The following TBC1D30 variants were observed in gnomAD, a reference collection of about 807,000 sequenced individuals.
The protein encoded by TBC1D30 is TBC1 domain family, member 30.
Under a neutral mutation model 63.2 loss-of-function variants are expected in TBC1D30, and 31 were observed. The ratio of observed to expected loss-of-function variants is 0.49; its 90% CI spans 0.37 to 0.66. The LOEUF is 0.66. TBC1D30 is among the 30% of genes least tolerant of loss of function. The pLI, the probability that TBC1D30 is intolerant of heterozygous loss-of-function variation, is 0.00. For synonymous variants in TBC1D30, 307 were observed against 361.5 expected, an observed-to-expected ratio of 0.85 and a Z score of 1.71; for missense variants, 810 against 953.6, an observed-to-expected ratio of 0.85 and a Z score of 1.98.
At chr12:64,798,805 CTTTTTTTTTTT>C (rs1227349778) in intron 2 of TBC1D30, among the ~76,000 whole-genome samples, 1 of 127,220 alleles carries the variant, frequency 7.9e-6, no homozygotes, top group South Asian at 2.5e-4. Flanking sequence ...CTTCAGGCAC[CTTTTTTTTTTT>C]TTTTTTTTTT....
rs1201623993 is a variant in TBC1D30 at position 64,879,258 on chromosome 12, T to C, written c.*3470T>C. 20 of 152,208 alleles carry C rather than the reference T, an allele frequency of 1.3e-4. No individual in the cohort carries two copies. The highest frequency in any genetic ancestry group is 2.6e-4 in the Admixed American group (4 of 15,284). The allele number at this position is 152,208 out of a possible 1,614,324, so 9.4% of individuals were successfully genotyped here. On this transcript the variant is annotated 3_prime_UTR_variant, in exon 12 of 12. Transcript: ENST00000539867. ...AAGCTGTCTTTCTGGTAAATGCTCTTATACAATATGATTTTTAGTGACTAA... is the reference window on the plus strand; with the variant it reads ...AAGCTGTCTTTCTGGTAAATGCTCTCATACAATATGATTTTTAGTGACTAA...
intron 7 of TBC1D30, among the ~76,000 whole-genome samples, chr12:64,840,028 ATC>A: frequency 7.0e-6 from 1 of 141,904 alleles, no homozygotes; most frequent in Non-Finnish European, 1.5e-5. Context: ...AAAAAAAAAA[ATC>A]CACCAACTAT....
At position 64,831,247 on chromosome 12, in the gene TBC1D30, C is replaced by G. The variant is rs1316595590; in HGVS notation, c.408+745C>G. 2.0e-5 allele frequency among the ~76,000 whole-genome samples: 3 copies of G among 152,088 alleles called. No homozygotes were observed. The East Asian group carries it at 5.8e-4, about 29-fold the overall frequency. Reference sequence around the variant, plus strand: ...AGGAGGAAGTACTAACTAAAATGAGCTACTTTCTGTTCTAACTTGGTTTCA... The same window carrying G: ...AGGAGGAAGTACTAACTAAAATGAGGTACTTTCTGTTCTAACTTGGTTTCA... On this transcript the variant is annotated intron_variant, in intron 4 of 11. Coordinates refer to ENST00000539867, the MANE Select transcript of TBC1D30 (RefSeq NM_015279.2).
Position 64,864,665 on chromosome 12 carries a change from C to A in TBC1D30, c.1039-3C>A. The A allele has an allele frequency of 6.5e-7, 1 of 1,534,244 alleles. No individual in the cohort carries two copies. Among genetic ancestry groups the A allele is most frequent in the Non-Finnish European group, 8.7e-7 (1 of 1,144,970 alleles). On this transcript the variant is annotated splice_polypyrimidine_tract_variant and splice_region_variant and intron_variant, in intron 8 of 11. Transcript: ENST00000539867. The stretch of plus-strand genomic sequence containing the variant: ...ACTTGGCATTTTTGCTTTTGTTTTA[C>A]AGACTGTTTATTCCATGGCTCCGTT...
At chr12:64,820,153 T>C (rs979204947), upstream of TBC1D30, among the ~76,000 whole-genome samples, 2 of 152,094 alleles carry the variant, frequency 1.3e-5, no homozygotes, top group African/African-American at 4.8e-5. Flanking sequence ...TTTTAAGACT[T>C]TACTGTTAAA....
intron 8 of TBC1D30, among the ~76,000 whole-genome samples, chr12:64,855,631 G>A (rs12310277): frequency 0.043 from 6,604 of 152,108 alleles, 459 homozygotes; most frequent in African/African-American, 0.15. Flanking sequence ...ATTGTTCAGC[G>A]TGTCGATTGC....
intron 2 of TBC1D30, among the ~76,000 whole-genome samples, chr12:64,797,450 T>C (rs535504408): frequency 1.3e-5 from 2 of 152,270 alleles, no homozygotes; most frequent in Admixed American, 6.5e-5. Flanking sequence ...TCTTTGTCAT[T>C]TTCACCTTGC....
chr12:64,835,695 T>C (rs1875286612), intron 5 of TBC1D30, among the ~76,000 whole-genome samples: 1 of 152,124 alleles, frequency 6.6e-6, no homozygotes, highest in Non-Finnish European at 1.5e-5. Flanking sequence ...ATATCTGACT[T>C]CTCCGATTCC....
At chr12:64,857,577 C>T (rs1877417234) in intron 8 of TBC1D30, among the ~76,000 whole-genome samples, 1 of 152,100 alleles carries the variant, frequency 6.6e-6, no homozygotes, top group Non-Finnish European at 1.5e-5. Flanking sequence ...GGCGCAAGCC[C>T]TCCCATAGCC....
intron 11 of TBC1D30, among the ~76,000 whole-genome samples, chr12:64,871,193 C>T (rs529836646): frequency 4.6e-5 from 7 of 152,038 alleles, no homozygotes; most frequent in Non-Finnish European, 8.8e-5. Flanking sequence ...GTAAATTAAG[C>T]TGTATACTAG....
Position 64,813,386 on chromosome 12 carries a change from T to TAACAACAAC in TBC1D30, c.644-14428_644-14420dup, listed in dbSNP as rs201967839. 2.0e-5 allele frequency among the ~76,000 whole-genome samples: 3 copies of TAACAACAAC among 151,338 alleles called. No individual in the cohort carries two copies. The East Asian group carries it at 5.8e-4, about 29-fold the overall frequency. On this transcript the variant is annotated intron_variant, in intron 2 of 12. Coordinates refer to the TBC1D30 transcript ENST00000542120. Reference sequence around the variant, plus strand: ...GCCTGGGCGACAGAGCAAGAGTCCATAACAACAACAACAACAACAACAACA... The same window carrying TAACAACAAC: ...GCCTGGGCGACAGAGCAAGAGTCCATAACAACAACAACAACAACAACAACAACAACAACA...
At chr12:64,814,018 G>C (rs1209230690) in intron 2 of TBC1D30, among the ~76,000 whole-genome samples, 1 of 152,162 alleles carries the variant, frequency 6.6e-6, no homozygotes, top group Non-Finnish European at 1.5e-5. Flanking sequence ...TGGGAGTGTG[G>C]AGAAGTGTAC....
intron 1 of TBC1D30, among the ~76,000 whole-genome samples, chr12:64,766,638 C>A (rs1157824575): frequency 1.3e-5 from 2 of 152,108 alleles, no homozygotes; most frequent in South Asian, 4.1e-4. Flanking sequence ...GATAGAGTAG[C>A]TAGGCAGAAG....
chr12:64,824,866 CG>C lies in TBC1D30; in HGVS notation c.-10del, dbSNP rs1565658837. The C allele has an allele frequency of 9.1e-6, 14 of 1,532,254 alleles. No homozygotes were observed. The highest frequency in any genetic ancestry group is 1.2e-5 in the Non-Finnish European group (14 of 1,145,732). The allele number at this position is 1,532,254 out of a possible 1,614,324, so 94.9% of individuals were successfully genotyped here. A position where few individuals can be genotyped will look rare whatever the true frequency, so the allele number is the denominator to read the frequency against. ...GACGGACGGTAGCCGTGCCAGAGCC[CG>C]GGGCGCTCTCGGATGCGGCAGGACA... On this transcript the variant is annotated 5_prime_UTR_variant, in exon 1 of 12. Transcript: ENST00000539867.
At chr12:64,867,576 G>C (rs1367778433) in intron 10 of TBC1D30, among the ~76,000 whole-genome samples, 1 of 151,834 alleles carries the variant, frequency 6.6e-6, no homozygotes, top group Non-Finnish European at 1.5e-5. Context: ...CTTTTTCTCT[G>C]TGGTGACTTT....
chr12:64,810,079 C>T (rs1440734600), intron 2 of TBC1D30, among the ~76,000 whole-genome samples: 1 of 152,154 alleles, frequency 6.6e-6, no homozygotes, highest in Non-Finnish European at 1.5e-5. Flanking sequence ...GGCTCTCCCT[C>T]CACCCTGCTC....
intron 5 of TBC1D30, 76 bp from the exon 6 acceptor site, chr12:64,836,414 A>T: frequency 8.5e-7 from 1 of 1,182,530 alleles, no homozygotes; most frequent in Non-Finnish European, 1.2e-6. Context: ...CTATTTGAAT[A>T]CTTATTTTCT....
intron 9 of TBC1D30, among the ~76,000 whole-genome samples, chr12:64,866,336 A>T (rs1878211728): frequency 6.6e-6 from 1 of 152,234 alleles, no homozygotes; most frequent in African/African-American, 2.4e-5. Flanking sequence ...ACCTGTGGGA[A>T]TTAGATGGGA....
chr12:64,878,310 T>G lies in TBC1D30; in HGVS notation c.*2522T>G, dbSNP rs978204956. On this transcript the variant is annotated 3_prime_UTR_variant, in exon 12 of 12. Transcript: ENST00000539867. ...CTGCAGTAGCCTCTACCACACAGCA[T>G]GTACAAAGACCAGTATGGACTTGCT... 2 of 373,478 alleles carry G rather than the reference T, an allele frequency of 5.4e-6. No individual in the cohort carries two copies. The highest frequency in any genetic ancestry group is 4.2e-5 in the African/African-American group (2 of 47,280). 23.1% of individuals were successfully genotyped at this position (373,478 alleles called of 1,614,324 possible).
Sources: allele counts gnomAD v4.1 joint callset (sites outside exome capture counted in the v4.1 genomes callset), GRCh38; gene constraint gnomAD v4.1.1; transcripts MANE v1.5; gene names NCBI Gene and HGNC (gene_info 2026-07-23, HGNC 2026-07-21).